PSMF1: variants seen among roughly 807,000 people sequenced by gnomAD.
PSMF1 encodes proteasome inhibitor subunit 1.
Under a neutral mutation model 29.3 loss-of-function variants are expected in PSMF1, and 30 were observed. The observed-to-expected ratio is 1.02, with a 90% CI of 0.77 to 1.39. The LOEUF is 1.39. Ranked by LOEUF, PSMF1 falls within the 40% of genes most tolerant of loss-of-function variation. The pLI is 0.00. For missense variants in PSMF1, 344 were observed against 357.5 expected (o/e 0.96, Z 0.31); for synonymous variants, 134 against 139.7 (o/e 0.96, Z 0.29).
chr20:1,113,882 G>A (rs565089154), upstream of PSMF1, among the ~76,000 whole-genome samples: 5 of 152,014 alleles, frequency 3.3e-5, no homozygotes, highest in South Asian at 4.2e-4. Context: ...TAGTAGAGAC[G>A]GGGTTTCACT....
chr20:1,156,370 T>G (rs2086594766), intron 4 of PSMF1, among the ~76,000 whole-genome samples: 1 of 152,138 alleles, frequency 6.6e-6, no homozygotes, highest in South Asian at 2.1e-4. Context: ...GGCTGAAAAC[T>G]TCTCAGATTT....
intron 4 of PSMF1, among the ~76,000 whole-genome samples, chr20:1,137,327 A>C (rs553938253): frequency 3.3e-5 from 5 of 152,312 alleles, no homozygotes; most frequent in African/African-American, 1.2e-4. Context: ...GGTTGATAAA[A>C]CTATTAAGTA....
Position 1,165,575 on chromosome 20 carries a change from G to A in PSMF1, c.*495G>A, listed in dbSNP as rs2122622444. The A allele has an allele frequency of 1.0e-6, 1 of 994,916 alleles. No homozygotes were observed. Among genetic ancestry groups the A allele is most frequent in the Non-Finnish European group, 1.2e-6 (1 of 835,626 alleles). The allele number at this position is 994,916 out of a possible 1,614,324, so 61.6% of individuals were successfully genotyped here. A position where few individuals can be genotyped will look rare whatever the true frequency, so the allele number is the denominator to read the frequency against. On this transcript the variant is annotated 3_prime_UTR_variant, in exon 7 of 7. Coordinates refer to ENST00000335877, the MANE Select transcript of PSMF1 (RefSeq NM_006814.5). ...CTGAATGACTCTTTTTCCTGCCCAG[G>A]GCCCATTCTTGCTTCTCAGGCACCT...
At chr20:1,139,936 A>T (rs1368242089) in intron 4 of PSMF1, among the ~76,000 whole-genome samples, 1 of 152,186 alleles carries the variant, frequency 6.6e-6, no homozygotes, top group Non-Finnish European at 1.5e-5. Flanking sequence ...AAACTGTAAA[A>T]CATTGTTGAA....
At chr20:1,138,930 C>T (rs1411171647) in intron 4 of PSMF1, among the ~76,000 whole-genome samples, 1 of 152,122 alleles carries the variant, frequency 6.6e-6, no homozygotes, top group African/African-American at 2.4e-5. Context: ...AATCCCAGCA[C>T]TTTGGGAGGC....
At chr20:1,128,333 CACT>C (rs2086186159) in intron 3 of PSMF1, among the ~76,000 whole-genome samples, 1 of 152,156 alleles carries the variant, frequency 6.6e-6, no homozygotes, top group Non-Finnish European at 1.5e-5. Context: ...TTTAATATAA[CACT>C]ACAGGATTCT....
At chr20:1,142,422 C>T (rs1600157563) in intron 4 of PSMF1, among the ~76,000 whole-genome samples, 1 of 149,998 alleles carries the variant, frequency 6.7e-6, no homozygotes. Flanking sequence ...CCTCCCTCCT[C>T]CCCCCACCCC....
intron 4 of PSMF1, among the ~76,000 whole-genome samples, chr20:1,139,591 A>G (rs1301279080): frequency 6.6e-6 from 1 of 152,038 alleles, no homozygotes; most frequent in Non-Finnish European, 1.5e-5. Flanking sequence ...TAAAAATACA[A>G]AAAATTAGCT....
upstream of PSMF1, among the ~76,000 whole-genome samples, chr20:1,114,089 A>C (rs2057747450): frequency 6.6e-6 from 1 of 152,002 alleles, no homozygotes; most frequent in African/African-American, 2.4e-5. Flanking sequence ...TTCAGCAGTC[A>C]CCTCTAGACG....
intron 1 of PSMF1, among the ~76,000 whole-genome samples, chr20:1,119,242 T>C (rs987761383): frequency 1.3e-5 from 2 of 152,122 alleles, no homozygotes; most frequent in African/African-American, 2.4e-5. Context: ...CCAGAGCACT[T>C]CTCACCCACC....
At chr20:1,134,812 G>A (rs977169688) in intron 3 of PSMF1, 3 of 432,264 alleles carry the variant, frequency 6.9e-6, no homozygotes, top group Non-Finnish European at 1.3e-5. Context: ...GGGTGAGGCG[G>A]GTGAGGACAG....
At chr20:1,129,780 C>G (rs1034951886) in intron 3 of PSMF1, among the ~76,000 whole-genome samples, 26 of 152,202 alleles carry the variant, frequency 1.7e-4, no homozygotes, top group African/African-American at 6.0e-4. Context: ...TATGACAGTT[C>G]TTCAAAAAAT....
intron 3 of PSMF1, among the ~76,000 whole-genome samples, chr20:1,128,361 A>G (rs1175785570): frequency 6.6e-6 from 1 of 152,154 alleles, no homozygotes; most frequent in Non-Finnish European, 1.5e-5. Flanking sequence ...CTCTTATTCC[A>G]TACTTATATC....
At chr20:1,126,138 A>G (rs990274329) in intron 2 of PSMF1, among the ~76,000 whole-genome samples, 1 of 151,730 alleles carries the variant, frequency 6.6e-6, no homozygotes, top group Non-Finnish European at 1.5e-5. Context: ...ACCCAGTCCT[A>G]CTCCCCAAAA....
Position 1,164,568 on chromosome 20 carries a change from A to AGCTGCC in PSMF1, c.764+99_764+104dup. Reference sequence around the variant, plus strand: ...TGAAGGTTTCTAGCCCCAGGCACAGAGCTGCCGCTGCCTTCACCTGTTGCT... The same window carrying AGCTGCC: ...TGAAGGTTTCTAGCCCCAGGCACAGAGCTGCCGCTGCCGCTGCCTTCACCTGTTGCT... On this transcript the variant is annotated intron_variant, in intron 6 of 6. Transcript: ENST00000335877. The surrounding 1 kb of genome is among the most constrained non-coding windows in gnomAD (Gnocchi z 4.1). 1.3e-6 allele frequency: 2 copies of AGCTGCC among 1,512,564 alleles called. No individual in the cohort carries two copies. Among genetic ancestry groups the AGCTGCC allele is most frequent in the Non-Finnish European group, 1.8e-6 (2 of 1,106,366 alleles). The allele number at this position is 1,512,564 out of a possible 1,614,324, so 93.7% of individuals were successfully genotyped here.
intron 2 of PSMF1, among the ~76,000 whole-genome samples, chr20:1,126,595 C>G (rs556685660): frequency 6.6e-6 from 1 of 152,198 alleles, no homozygotes; most frequent in South Asian, 2.1e-4. Flanking sequence ...CCAGGATCAC[C>G]CAGGCGCAGT....
chr20:1,144,736 C>T (rs1042370846), intron 4 of PSMF1, among the ~76,000 whole-genome samples: 22 of 152,084 alleles, frequency 1.4e-4, no homozygotes, highest in African/African-American at 4.8e-4. Context: ...GTTATAGAGG[C>T]GCTAAACAGA....
intron 4 of PSMF1, among the ~76,000 whole-genome samples, chr20:1,144,283 C>G (rs1382570246): frequency 1.3e-5 from 2 of 152,154 alleles, no homozygotes; most frequent in Non-Finnish European, 2.9e-5. Context: ...ATACTAAATT[C>G]TAGAGAGAGT....
In PSMF1 at chr20:1,159,068, A is replaced by AAAG. The variant is rs376434483; in HGVS notation, c.552-4060_552-4059insGAA. Reference sequence around the variant, plus strand: ...GAGACTCCGTCTCACAAAAAAAAAAAAAAGAAGAAGTAAATGGGTTCTAAG... The same window carrying AAAG: ...GAGACTCCGTCTCACAAAAAAAAAAAAAGAAAGAAGAAGTAAATGGGTTCTAAG... On this transcript the variant is annotated intron_variant, in intron 4 of 6. Transcript: ENST00000335877. 1.1e-3 allele frequency among the ~76,000 whole-genome samples: 105 copies of AAAG among 99,608 alleles called. 3 individuals carry two copies. Among genetic ancestry groups the AAAG allele is most frequent in the East Asian group, 2.9e-3 (4 of 1,400 alleles). The allele number at this position is 99,608 out of a possible 152,430, so 65.3% of individuals were successfully genotyped here. A position where few individuals can be genotyped will look rare whatever the true frequency, so the allele number is the denominator to read the frequency against.
Sources: allele counts gnomAD v4.1 joint callset (sites outside exome capture counted in the v4.1 genomes callset), GRCh38; gene constraint gnomAD v4.1.1; non-coding constraint Gnocchi (gnomAD v3.1); transcripts MANE v1.5; gene names NCBI Gene and HGNC (gene_info 2026-07-23, HGNC 2026-07-21).